Variants in CFAP61 observed in about 807,000 individuals in gnomAD.
The protein encoded by CFAP61 is cilia- and flagella-associated protein 61.
Under a neutral mutation model 135.6 loss-of-function variants are expected in CFAP61, and 107 were observed. The observed-to-expected ratio is 0.79, with a 90% confidence interval of 0.67 to 0.93. The LOEUF is 0.93. Ranked by LOEUF, CFAP61 falls within the 40% of genes least tolerant of loss-of-function variation. The probability of loss-of-function intolerance (pLI) is 0.00; values close to 1 mark genes in which losing one functional copy is unlikely to be tolerated. For synonymous variants in CFAP61, 575 were observed against 578.5 expected, an observed-to-expected ratio of 0.99 and a Z score of 0.09; for missense variants, 1,507 against 1,556.2, an observed-to-expected ratio of 0.97 and a Z score of 0.53.
intron 6 of CFAP61, chr20:20,085,075 G>A (rs2046698220): frequency 3.0e-6 from 3 of 983,952 alleles, no homozygotes; most frequent in South Asian, 4.7e-5. Flanking sequence ...TTCGCTCAGA[G>A]AATTGTACTA....
intron 25 of CFAP61, among the ~76,000 whole-genome samples, chr20:20,325,933 C>G (rs1412354331): frequency 2.0e-5 from 3 of 152,088 alleles, no homozygotes; most frequent in Non-Finnish European, 1.5e-5. Context: ...ATTTGAAATT[C>G]CCTAGTGACT....
intron 17 of CFAP61, among the ~76,000 whole-genome samples, chr20:20,200,261 G>A (rs1443314221): frequency 6.6e-6 from 1 of 152,206 alleles, no homozygotes; most frequent in Non-Finnish European, 1.5e-5. Context: ...TGCTTTCAAT[G>A]CATTAAGTGG....
At chr20:20,155,030 T>C (rs2052770142) in intron 9 of CFAP61, among the ~76,000 whole-genome samples, 1 of 151,990 alleles carries the variant, frequency 6.6e-6, no homozygotes. Flanking sequence ...AGCTGTACTA[T>C]AAGGCTATAG....
chr20:20,105,788 T>G (rs1435095512), intron 8 of CFAP61, among the ~76,000 whole-genome samples: 1 of 130,284 alleles, frequency 7.7e-6, no homozygotes, highest in Non-Finnish European at 1.6e-5. Flanking sequence ...CCTGCCACCA[T>G]GCCCGGCTAA....
At chr20:20,183,503 G>A (rs2146856851) in intron 13 of CFAP61, among the ~76,000 whole-genome samples, 1 of 152,276 alleles carries the variant, frequency 6.6e-6, no homozygotes, top group South Asian at 2.1e-4. Flanking sequence ...AACCTTTTGG[G>A]AAATAGTTCT....
intron 16 of CFAP61, among the ~76,000 whole-genome samples, chr20:20,199,425 C>T (rs533493799): frequency 3.9e-4 from 60 of 152,270 alleles, no homozygotes; most frequent in African/African-American, 1.4e-3. Flanking sequence ...GATAACACAG[C>T]TTAATGGGGT....
intron 8 of CFAP61, among the ~76,000 whole-genome samples, chr20:20,133,496 T>C (rs1000382352): frequency 6.6e-6 from 1 of 152,138 alleles, no homozygotes; most frequent in Non-Finnish European, 1.5e-5. Flanking sequence ...ACATGCCACT[T>C]GTCCAAGCAG....
intron 19 of CFAP61, among the ~76,000 whole-genome samples, chr20:20,250,644 AAAGG>A (rs1214137030): frequency 2.0e-5 from 3 of 152,180 alleles, no homozygotes; most frequent in African/African-American, 7.2e-5. Context: ...TTAAGAGAAA[AAAGG>A]AAGAAAAGAA....
At chr20:20,254,672 C>T (rs576519273) in intron 20 of CFAP61, among the ~76,000 whole-genome samples, 1 of 152,198 alleles carries the variant, frequency 6.6e-6, no homozygotes, top group African/African-American at 2.4e-5. Context: ...GTCTTCAACT[C>T]TCTCCTGGTT....
intron 25 of CFAP61, among the ~76,000 whole-genome samples, chr20:20,310,573 G>A (rs548608584): frequency 6.6e-6 from 1 of 152,296 alleles, no homozygotes; most frequent in African/African-American, 2.4e-5. Flanking sequence ...TATACTGCCA[G>A]TTATGGGTGC....
At chr20:20,241,543 C>G (rs1277344648) in intron 18 of CFAP61, among the ~76,000 whole-genome samples, 1 of 152,122 alleles carries the variant, frequency 6.6e-6, no homozygotes, top group Non-Finnish European at 1.5e-5. Flanking sequence ...TAGGATAATG[C>G]AATGTGGTAG....
At chr20:20,206,532 G>A (rs944920605) in intron 17 of CFAP61, among the ~76,000 whole-genome samples, 5 of 152,096 alleles carry the variant, frequency 3.3e-5, no homozygotes, top group African/African-American at 7.2e-5. Context: ...TATACTATGC[G>A]GTATTTTGTA....
At chr20:20,246,292 T>A in intron 19 of CFAP61, 77 bp downstream of exon 19, 2 of 925,460 alleles carry the variant, frequency 2.2e-6, no homozygotes, top group East Asian at 2.4e-5. Flanking sequence ...TGCTAAATAG[T>A]AGATTTCAGA....
intron 8 of CFAP61, among the ~76,000 whole-genome samples, chr20:20,099,744 A>G (rs905698598): frequency 2.0e-5 from 3 of 152,190 alleles, no homozygotes; most frequent in Non-Finnish European, 2.9e-5. Flanking sequence ...TCAAATTGCT[A>G]TGCTTTCTCC....
chr20:20,074,017 C>A (rs191988020), intron 3 of CFAP61: 256 of 425,386 alleles, frequency 6.0e-4, no homozygotes, highest in African/African-American at 4.6e-3. Flanking sequence ...GCAGGCTCTC[C>A]CGCAGCTCAT....
intron 1 of CFAP61, 54 bp downstream of exon 1, chr20:20,052,645 C>T (rs1033146736): frequency 1.2e-6 from 2 of 1,613,386 alleles, no homozygotes; most frequent in Non-Finnish European, 8.5e-7. Context: ...TGCAGGGCGT[C>T]CAGGGCGCAT....
intron 13 of CFAP61, among the ~76,000 whole-genome samples, chr20:20,183,368 G>T (rs1197986264): frequency 6.6e-6 from 1 of 152,058 alleles, no homozygotes; most frequent in Admixed American, 6.6e-5. Flanking sequence ...CACCATGTCA[G>T]CTGGGCTGGT....
chr20:20,278,806 A>G (rs1358749547), intron 22 of CFAP61, among the ~76,000 whole-genome samples: 2 of 152,224 alleles, frequency 1.3e-5, no homozygotes, highest in African/African-American at 4.8e-5. Flanking sequence ...CCTGAGATCC[A>G]TGGAAATTGT....
intron 18 of CFAP61, chr20:20,232,926 T>G (rs2049267700): frequency 6.6e-6 from 1 of 152,192 alleles, no homozygotes; most frequent in Admixed American, 6.5e-5. Context: ...GTTCCCCTTG[T>G]CTTCCACTTC....
Sources: allele counts gnomAD v4.1 joint callset (sites outside exome capture counted in the v4.1 genomes callset), GRCh38; gene constraint gnomAD v4.1.1; transcripts MANE v1.5; gene names NCBI Gene and HGNC (gene_info 2026-07-23, HGNC 2026-07-21).